FDX1: variants seen among roughly 807,000 people sequenced by gnomAD.
FDX1 encodes the protein adrenodoxin, mitochondrial.
In FDX1, 9 loss-of-function variants were observed where a neutral mutation model predicts 14.9. The observed-to-expected ratio is 0.60, with a 90% CI of 0.36 to 1.05. The LOEUF (loss-of-function observed/expected upper bound fraction) is 1.05, where lower values mean the gene tolerates loss of function less well. Ranked by LOEUF, FDX1 falls within the 50% of genes least tolerant of loss-of-function variation. The pLI is 0.01. For synonymous variants in FDX1, 92 were observed against 99.4 expected (o/e 0.93, Z 0.44); for missense variants, 204 against 237.2 (o/e 0.86, Z 0.92).
chr11:110,443,503 C>T lies in FDX1; in HGVS notation c.310+7545C>T, dbSNP rs551613443. Among the ~76,000 whole-genome samples, 308 of 149,494 alleles carry T rather than the reference C, an allele frequency of 2.1e-3. 4 individuals are homozygous for T. Among genetic ancestry groups the T allele is most frequent in the South Asian group, 9.5e-3 (45 of 4,724 alleles). On this transcript the variant is annotated intron_variant, in intron 2 of 3. Transcript: ENST00000260270. ...TTGCCCAGGCTGGAATGCAATGGCACGATCTCGGCTCATTGCAACCTCTGC... is the reference window on the plus strand; with the variant it reads ...TTGCCCAGGCTGGAATGCAATGGCATGATCTCGGCTCATTGCAACCTCTGC...
intron 2 of FDX1, among the ~76,000 whole-genome samples, chr11:110,444,739 TATATAC>T (rs1379171516): frequency 9.8e-4 from 50 of 51,090 alleles, no homozygotes; most frequent in South Asian, 3.6e-3. Flanking sequence ...TATATATATA[TATATAC>T]ACGTATATAT....
At chr11:110,460,733 T>G (rs1867199) in intron 3 of FDX1, among the ~76,000 whole-genome samples, 26,134 of 152,184 alleles carry the variant, frequency 0.17, 2,346 homozygotes, top group East Asian at 0.26. Context: ...CTGTGAGGAA[T>G]TCTCCTGCTC....
chr11:110,437,084 C>T (rs1946374902), intron 2 of FDX1, among the ~76,000 whole-genome samples: 2 of 152,184 alleles, frequency 1.3e-5, no homozygotes, highest in Non-Finnish European at 2.9e-5. Flanking sequence ...CAGCCTCGAC[C>T]TCCTGGACTC....
At chr11:110,444,750 A>ATACG (rs1946438637) in intron 2 of FDX1, among the ~76,000 whole-genome samples, 1 of 117,218 alleles carries the variant, frequency 8.5e-6, no homozygotes, top group African/African-American at 3.6e-5. Flanking sequence ...ATATACACGT[A>ATACG]TATATATATA....
At chr11:110,444,665 C>T (rs139466504) in intron 2 of FDX1, among the ~76,000 whole-genome samples, 13,160 of 48,588 alleles carry the variant, frequency 0.27, 1,537 homozygotes, top group Non-Finnish European at 0.3. Context: ...TATATATATA[C>T]GTATATATAT....
chr11:110,434,715 G>C (rs1946356223), intron 1 of FDX1, among the ~76,000 whole-genome samples: 1 of 136,716 alleles, frequency 7.3e-6, no homozygotes, highest in African/African-American at 2.8e-5. Context: ...GCTGTGTGAT[G>C]ACTTTTTTTG....
At chr11:110,429,502 C>G (rs1368879020), upstream of FDX1, among the ~76,000 whole-genome samples, 2 of 152,204 alleles carry the variant, frequency 1.3e-5, no homozygotes, top group Non-Finnish European at 1.5e-5. Flanking sequence ...TACCTGTCCT[C>G]TGCAGGAGCC....
chr11:110,456,509 C>CTTTTTTTTTTTT (rs11463993), intron 2 of FDX1, among the ~76,000 whole-genome samples: 200 of 83,790 alleles, frequency 2.4e-3, no homozygotes, highest in Non-Finnish European at 3.0e-3. Flanking sequence ...TTTATGTATT[C>CTTTTTTTTTTTT]TTTTTTTTTT....
chr11:110,437,337 T>C (rs1030290803), intron 2 of FDX1, among the ~76,000 whole-genome samples: 2 of 152,202 alleles, frequency 1.3e-5, no homozygotes, highest in African/African-American at 4.8e-5. Context: ...TTAAAATAAT[T>C]ATAACAACTA....
intron 1 of FDX1, among the ~76,000 whole-genome samples, chr11:110,433,262 C>A (rs1246618497): frequency 1.3e-5 from 2 of 152,216 alleles, no homozygotes; most frequent in Non-Finnish European, 2.9e-5. Flanking sequence ...TGGGCTCAGA[C>A]CCATACCCAT....
intron 2 of FDX1, among the ~76,000 whole-genome samples, chr11:110,453,514 T>A (rs1042861585): frequency 1.1e-4 from 16 of 151,894 alleles, no homozygotes; most frequent in African/African-American, 3.6e-4. Flanking sequence ...TTCTTACAGT[T>A]TTAGGCTCTT....
chr11:110,447,551 A>G (rs1021489489), intron 2 of FDX1, among the ~76,000 whole-genome samples: 1 of 151,646 alleles, frequency 6.6e-6, no homozygotes, highest in Non-Finnish European at 1.5e-5. Context: ...CCCATCTGCC[A>G]CTCTTCCTCT....
At chr11:110,456,714 T>C (rs1437589210) in intron 2 of FDX1, among the ~76,000 whole-genome samples, 1 of 152,034 alleles carries the variant, frequency 6.6e-6, no homozygotes, top group African/African-American at 2.4e-5. Context: ...TTCACTATAT[T>C]GGCCATGCTG....
chr11:110,436,526 G>A lies in FDX1; in HGVS notation c.310+568G>A, dbSNP rs545163614. On this transcript the variant is annotated intron_variant, in intron 2 of 3. Transcript: ENST00000260270. ...CAGTTCTCAGAGGGTTTCCTTGACCGTTAGCATTAGTGTCACCTGGGAAAT... is the reference window on the plus strand; with the variant it reads ...CAGTTCTCAGAGGGTTTCCTTGACCATTAGCATTAGTGTCACCTGGGAAAT... Among the ~76,000 whole-genome samples, 23 of 152,092 alleles carry A rather than the reference G, an allele frequency of 1.5e-4. No individual in the cohort carries two copies. In the South Asian group the frequency reaches 3.7e-3, roughly 25 times the overall value.
chr11:110,456,772 G>C lies in FDX1; in HGVS notation c.311-146G>C, dbSNP rs1303038906. 4.1e-6 allele frequency: 3 copies of C among 726,448 alleles called. No homozygotes were observed. In the African/African-American group the frequency reaches 5.4e-5, roughly 13 times the overall value. 45.0% of individuals were successfully genotyped at this position (726,448 alleles called of 1,614,324 possible). A position where few individuals can be genotyped will look rare whatever the true frequency, so the allele number is the denominator to read the frequency against. Reference sequence around the variant, plus strand: ...GATCTGCCTGCTTTGGCCTCCTAAAGTGCTGGGATTACAGGTGTGAGCCAC... The same window carrying C: ...GATCTGCCTGCTTTGGCCTCCTAAACTGCTGGGATTACAGGTGTGAGCCAC... On this transcript the variant is annotated intron_variant, in intron 2 of 3. Transcript: ENST00000260270.
At chr11:110,448,767 G>A (rs569055366) in intron 2 of FDX1, among the ~76,000 whole-genome samples, 8 of 152,306 alleles carry the variant, frequency 5.3e-5, no homozygotes, top group Admixed American at 5.2e-4. Flanking sequence ...CAGATTAACA[G>A]TATTGAGATT....
intron 3 of FDX1, among the ~76,000 whole-genome samples, chr11:110,460,184 A>G (rs534307516): frequency 8.0e-4 from 121 of 152,106 alleles, no homozygotes; most frequent in African/African-American, 2.5e-3. Flanking sequence ...GCTGTTTCCA[A>G]TTCTACAAAT....
rs1946572590 is a variant in FDX1 at position 110,463,698 on chromosome 11, A to G, written c.*1230A>G. 6.6e-6 allele frequency: 1 copy of G among 152,144 alleles called. No homozygotes were observed. Among genetic ancestry groups the G allele is most frequent in the South Asian group, 2.1e-4 (1 of 4,820 alleles). The allele number at this position is 152,144 out of a possible 1,614,324, so 9.4% of individuals were successfully genotyped here. On this transcript the variant is annotated 3_prime_UTR_variant, in exon 4 of 4. Transcript: ENST00000260270. ...CAGCATTGTGTTATGCCCATTGGGG[A>G]CACAGAGGTGAACAAGACAAGGAAT... is the stretch of plus-strand genomic sequence containing the variant.
intron 1 of FDX1, among the ~76,000 whole-genome samples, chr11:110,434,725 GTTTTTTTTTT>G (rs56907322): frequency 9.5e-5 from 10 of 105,746 alleles, no homozygotes; most frequent in Non-Finnish European, 1.9e-4. Flanking sequence ...GACTTTTTTT[GTTTTTTTTTT>G]TTTTTTTTTT....
Sources: gnomAD v4.1 joint callset for allele counts (sites outside exome capture counted in the v4.1 genomes callset) on GRCh38, gnomAD v4.1.1 for gene constraint, MANE v1.5 for transcripts, NCBI Gene and HGNC (gene_info 2026-07-23, HGNC 2026-07-21) for gene names.